Variants in CDH4 observed in about 807,000 individuals in gnomAD.
CDH4 encodes the protein cadherin 4.
CDH4 carries 33 observed loss-of-function variants against 86.0 expected under a neutral mutation model. The observed-to-expected ratio is 0.38, with a 90% CI of 0.29 to 0.51. The LOEUF (loss-of-function observed/expected upper bound fraction) is 0.51, where lower values mean the gene tolerates loss of function less well. Ranked by LOEUF, CDH4 falls within the 20% of genes least tolerant of loss-of-function variation. The pLI is 0.86. For synonymous variants in CDH4, 555 were observed against 549.4 expected, an observed-to-expected ratio of 1.01 and a Z score of -0.14; for missense variants, 1,114 against 1,307.4, an observed-to-expected ratio of 0.85 and a Z score of 2.28.
At chr20:61,796,850 G>A (rs1385139442) in intron 4 of CDH4, among the ~76,000 whole-genome samples, 7 of 152,206 alleles carry the variant, frequency 4.6e-5, no homozygotes, top group South Asian at 2.1e-4. Flanking sequence ...AGCAGAAACC[G>A]TTTCCAGGGC....
At chr20:61,326,119 T>C (rs1367274910) in intron 2 of CDH4, among the ~76,000 whole-genome samples, 4 of 152,174 alleles carry the variant, frequency 2.6e-5, no homozygotes, top group Non-Finnish European at 5.9e-5. Context: ...GAGTGGAGGA[T>C]GGAGTAAGGT....
intron 2 of CDH4, among the ~76,000 whole-genome samples, chr20:61,701,621 G>A (rs1340894185): frequency 2.0e-5 from 3 of 152,200 alleles, no homozygotes; most frequent in South Asian, 2.1e-4. Context: ...GCGGGTCTAC[G>A]GATCAGTTGG....
chr20:61,355,575 A>T (rs556730762), intron 2 of CDH4, among the ~76,000 whole-genome samples: 3 of 152,354 alleles, frequency 2.0e-5, no homozygotes, highest in South Asian at 4.1e-4. Context: ...CTCATTGAAC[A>T]CAAGCTCAGC....
intron 2 of CDH4, among the ~76,000 whole-genome samples, chr20:61,556,786 C>A (rs2086181066): frequency 6.6e-6 from 1 of 152,150 alleles, no homozygotes; most frequent in South Asian, 2.1e-4. Context: ...TGGCCAGTGG[C>A]TGTCCTCTGC....
At chr20:61,383,339 A>C (rs1375808487) in intron 2 of CDH4, among the ~76,000 whole-genome samples, 3 of 95,192 alleles carry the variant, frequency 3.2e-5, no homozygotes, top group East Asian at 2.3e-4. Flanking sequence ...AATATATGTG[A>C]TATATATGAA....
chr20:61,386,230 C>T (rs758011963), intron 2 of CDH4, among the ~76,000 whole-genome samples: 14 of 152,182 alleles, frequency 9.2e-5, no homozygotes, highest in African/African-American at 3.1e-4. Flanking sequence ...GAGCCACAGT[C>T]GTGCTGTGCC....
At chr20:61,464,311 G>A (rs1195555379) in intron 2 of CDH4, among the ~76,000 whole-genome samples, 1 of 152,174 alleles carries the variant, frequency 6.6e-6, no homozygotes, top group East Asian at 1.9e-4. Flanking sequence ...TATTATGGAT[G>A]TAATCCTATT....
chr20:61,253,515 A>G (rs1356710061), intron 1 of CDH4, among the ~76,000 whole-genome samples: 1 of 151,670 alleles, frequency 6.6e-6, no homozygotes, highest in Non-Finnish European at 1.5e-5. Flanking sequence ...TCGGAAATAA[A>G]CAAGTGCCAG....
At chr20:61,721,809 A>T (rs1444126555) in intron 2 of CDH4, among the ~76,000 whole-genome samples, 2 of 152,196 alleles carry the variant, frequency 1.3e-5, no homozygotes, top group Non-Finnish European at 2.9e-5. Flanking sequence ...CCACAAATTA[A>T]ATCATCAGAG....
At chr20:61,360,946 A>G in intron 2 of CDH4, among the ~76,000 whole-genome samples, 1 of 152,092 alleles carries the variant, frequency 6.6e-6, no homozygotes, top group East Asian at 1.9e-4. Flanking sequence ...CAGCATGAAA[A>G]TGTAGCAGGA....
intron 4 of CDH4, among the ~76,000 whole-genome samples, chr20:61,809,214 C>A (rs575987234): frequency 6.6e-6 from 1 of 152,260 alleles, no homozygotes; most frequent in African/African-American, 2.4e-5. Context: ...CTAGGAAGGA[C>A]GTGCTGTCAT....
At chr20:61,283,021 CGT>C (rs1487517668) in intron 2 of CDH4, among the ~76,000 whole-genome samples, 15 of 12,964 alleles carry the variant, frequency 1.2e-3, no homozygotes, top group East Asian at 3.6e-3. Flanking sequence ...CGTGCTGTGG[CGT>C]GTGTGATGTA....
chr20:61,770,830 C>T (rs530045674), intron 3 of CDH4, among the ~76,000 whole-genome samples: 2 of 149,936 alleles, frequency 1.3e-5, no homozygotes, highest in African/African-American at 4.9e-5. Context: ...TTGCAGTGAG[C>T]CGAGATCACA....
At position 61,681,635 on chromosome 20, in the gene CDH4, G is replaced by A. The variant is rs924739410; in HGVS notation, c.170-61928G>A. 8.5e-5 allele frequency among the ~76,000 whole-genome samples: 13 copies of A among 152,206 alleles called. No homozygotes were observed. The highest frequency in any genetic ancestry group is 2.1e-4 in the South Asian group (1 of 4,826). On this transcript the variant is annotated intron_variant, in intron 2 of 15. Coordinates refer to ENST00000614565, the MANE Select transcript of CDH4 (RefSeq NM_001794.5). The surrounding 1 kb of genome is among the most constrained non-coding windows in gnomAD (Gnocchi z 4.5). Reference sequence around the variant, plus strand: ...CTCAGGATCCCCCTGCAGGAAGCCCGGAATCCCTTCCACAGGCACAGAGCT... The same window carrying A: ...CTCAGGATCCCCCTGCAGGAAGCCCAGAATCCCTTCCACAGGCACAGAGCT...
Position 61,928,347 on chromosome 20 carries a change from C to T in CDH4, c.1929C>T (p.Asn643=). ...CGGCCGACGCTGACGTCGACCCCAA[C>T]ATCGGCCCCTACGTCTTCGAGCTGC... ...ITAADADVDP[N]IGPYVFELPF... The change falls in exon 12 of 16, where the codon AAC becomes AAT. Residue 643 remains asparagine, a synonymous_variant. Coordinates refer to ENST00000614565, the MANE Select transcript of CDH4 (RefSeq NM_001794.5). The T allele has an allele frequency of 6.2e-7, 1 of 1,611,570 alleles. No homozygotes were observed. Among genetic ancestry groups the T allele is most frequent in the Admixed American group, 1.7e-5 (1 of 60,036 alleles).
At chr20:61,546,973 C>G (rs937839311) in intron 2 of CDH4, among the ~76,000 whole-genome samples, 2 of 152,098 alleles carry the variant, frequency 1.3e-5, no homozygotes, top group African/African-American at 4.8e-5. Context: ...AGAAAGCAGA[C>G]AGCAGTGATG....
At chr20:61,606,657 G>A (rs2086647974) in intron 2 of CDH4, among the ~76,000 whole-genome samples, 1 of 152,230 alleles carries the variant, frequency 6.6e-6, no homozygotes, top group African/African-American at 2.4e-5. Flanking sequence ...CCTGGGAAGT[G>A]CACCCCGCCG....
At chr20:61,275,521 A>G (rs2084225728) in intron 2 of CDH4, among the ~76,000 whole-genome samples, 1 of 97,704 alleles carries the variant, frequency 1.0e-5, no homozygotes, top group Admixed American at 1.3e-4. Context: ...TTGGGGGAGT[A>G]CCATGCACAG....
intron 2 of CDH4, among the ~76,000 whole-genome samples, chr20:61,436,327 G>A (rs1163802172): frequency 6.6e-6 from 1 of 152,166 alleles, no homozygotes; most frequent in African/African-American, 2.4e-5. Context: ...AGGCAGCTCA[G>A]ACCCCACAGG....
Sources: gnomAD v4.1 joint callset for allele counts (sites outside exome capture counted in the v4.1 genomes callset) on GRCh38, gnomAD v4.1.1 for gene constraint, Gnocchi (gnomAD v3.1) non-coding constraint, MANE v1.5 for transcripts, NCBI Gene and HGNC (gene_info 2026-07-23, HGNC 2026-07-21) for gene names.